The following ARHGEF17 variants were observed in gnomAD, a reference collection of about 807,000 sequenced individuals.
The protein encoded by ARHGEF17 is 164 kDa Rho-specific guanine-nucleotide exchange factor.
ARHGEF17 carries 80 observed loss-of-function variants against 174.0 expected under a neutral mutation model. The observed-to-expected ratio is 0.46, with a 90% CI of 0.38 to 0.55. ARHGEF17 has a LOEUF of 0.55. Among genes scored for constraint, ARHGEF17 ranks in the 20% least tolerant of loss-of-function variants. ARHGEF17 has a pLI of 0.00. For missense variants in ARHGEF17, 2,886 were observed against 2,839.7 expected (o/e 1.02, Z -0.37); for synonymous variants, 1,311 against 1,189.1 (o/e 1.10, Z -2.11).
chr11:73,367,346 A>G (rs961860126), intron 20 of ARHGEF17, among the ~76,000 whole-genome samples: 4 of 152,380 alleles, frequency 2.6e-5, no homozygotes, highest in African/African-American at 9.6e-5. Flanking sequence ...AAGTGGCGTC[A>G]CCTTGGGAAA....
chr11:73,344,854 G>A (rs1354702883), intron 1 of ARHGEF17, among the ~76,000 whole-genome samples: 3 of 152,206 alleles, frequency 2.0e-5, no homozygotes, highest in Non-Finnish European at 2.9e-5. Context: ...CAGGGGCTGG[G>A]GCCCTGAGAG....
intron 5 of ARHGEF17, 71 bp downstream of exon 5, chr11:73,356,024 C>A (rs1162599013): frequency 2.5e-6 from 4 of 1,596,776 alleles, no homozygotes; most frequent in South Asian, 2.2e-5. Context: ...GGTCTAAGGC[C>A]CCTGCCTCGT....
At chr11:73,357,817 T>G (rs1340591701) in intron 9 of ARHGEF17, among the ~76,000 whole-genome samples, 2 of 152,174 alleles carry the variant, frequency 1.3e-5, no homozygotes, top group African/African-American at 2.4e-5. Flanking sequence ...GCGTCTGTCT[T>G]TCTTCCCTTC....
chr11:73,355,843 C>T lies in ARHGEF17; in HGVS notation c.3571-18C>T. ...CTGGCATGTCATTCCTCACATGATG[C>T]CCATCCATGGGTTTCAGCAAAGCAT... On this transcript the variant is annotated intron_variant, in intron 4 of 20. Coordinates refer to ENST00000263674, the MANE Select transcript of ARHGEF17 (RefSeq NM_014786.4). 6.2e-7 allele frequency: 1 copy of T among 1,613,740 alleles called. No homozygotes were observed. Among genetic ancestry groups the T allele is most frequent in the South Asian group, 1.1e-5 (1 of 91,076 alleles).
chr11:73,367,734 T>A lies in ARHGEF17; in HGVS notation c.6146T>A (p.Val2049Glu). 6.2e-7 allele frequency: 1 copy of A among 1,614,024 alleles called. No individual in the cohort carries two copies. The highest frequency in any genetic ancestry group is 8.5e-7 in the Non-Finnish European group (1 of 1,179,984). Residue 2049 changes from valine to glutamate, a missense_variant, in exon 21 of 21, where the codon GTG becomes GAG. Val to Glu is a moderately radical substitution (Grantham distance 121, BLOSUM62 -2). Around this residue, in one of 4 missense-constraint regions of ARHGEF17, gnomAD observed 329 missense variants for 435.2 expected, o/e 0.76. Transcript: ENST00000263674. The part of the protein sequence containing the change: ...SSGGGSSSET[V>E]GRDDSTNHLL... ...GGGGGCGGCAGCAGCAGTGAGACTG[T>A]GGGTCGAGACGACAGCACAAACCAC...
intron 12 of ARHGEF17, 87 bp downstream of exon 12, chr11:73,361,248 C>A: frequency 8.1e-7 from 1 of 1,233,190 alleles, no homozygotes; most frequent in Non-Finnish European, 1.2e-6. Flanking sequence ...GTGTATATGC[C>A]GTGAACATTG....
At chr11:73,356,498 C>G (rs902572774) in intron 6 of ARHGEF17, 147 bp downstream of exon 6, 7 of 1,186,722 alleles carry the variant, frequency 5.9e-6, no homozygotes, top group Admixed American at 2.1e-5. Flanking sequence ...CTGCCAGCCT[C>G]TGTGGCCACA....
chr11:73,317,272 C>T (rs868497687), intron 1 of ARHGEF17, among the ~76,000 whole-genome samples: 2 of 152,192 alleles, frequency 1.3e-5, no homozygotes, highest in African/African-American at 2.4e-5. Context: ...GTGCATGTCT[C>T]CTGGGACAGG....
At chr11:73,318,748 G>A (rs1390478777) in intron 1 of ARHGEF17, among the ~76,000 whole-genome samples, 1 of 152,232 alleles carries the variant, frequency 6.6e-6, no homozygotes, top group African/African-American at 2.4e-5. Flanking sequence ...CCCGAGGTGG[G>A]AAGACCTGTG....
chr11:73,329,462 C>A lies in ARHGEF17; in HGVS notation c.3193-17421C>A, dbSNP rs1219775692. Among the ~76,000 whole-genome samples the A allele has an allele frequency of 3.5e-5, 5 of 142,122 alleles. No individual in the cohort carries two copies. In the East Asian group the frequency reaches 1.0e-3, roughly 30 times the overall value. The allele number at this position is 142,122 out of a possible 152,430, so 93.2% of individuals were successfully genotyped here. A position where few individuals can be genotyped will look rare whatever the true frequency, so the allele number is the denominator to read the frequency against. On this transcript the variant is annotated intron_variant, in intron 1 of 20. Coordinates refer to ENST00000263674, the MANE Select transcript of ARHGEF17 (RefSeq NM_014786.4). The stretch of plus-strand genomic sequence containing the variant: ...TCACCCACGCTGGAGTGCAGTGGTG[C>A]GATCTCAGCTCACTGCAACCTCTGC...
chr11:73,364,294 C>G, intron 17 of ARHGEF17, 55 bp downstream of exon 17: 2 of 1,605,482 alleles, frequency 1.2e-6, no homozygotes, highest in South Asian at 1.1e-5. Context: ...GGTGTTGGGG[C>G]TCTCTCCTGG....
chr11:73,336,956 C>G (rs1297344148), intron 1 of ARHGEF17, among the ~76,000 whole-genome samples: 1 of 152,238 alleles, frequency 6.6e-6, no homozygotes, highest in African/African-American at 2.4e-5. Flanking sequence ...CAAGAATGAG[C>G]AAGCCAAGAG....
At position 73,324,109 on chromosome 11, in the gene ARHGEF17, C is replaced by G. The variant is rs761828885; in HGVS notation, c.3192+12279C>G. On this transcript the variant is annotated intron_variant, in intron 1 of 20. Transcript: ENST00000263674. ...GGAAAACGGCCGTGTAGGGCAGAGTCCCCCTCAGCTTCCCAGCCCAGGTGT... is the reference window on the plus strand; with the variant it reads ...GGAAAACGGCCGTGTAGGGCAGAGTGCCCCTCAGCTTCCCAGCCCAGGTGT... Among the ~76,000 whole-genome samples the G allele has an allele frequency of 2.6e-5, 4 of 152,166 alleles. No homozygotes were observed. The South Asian group carries it at 6.2e-4, about 24-fold the overall frequency.
chr11:73,344,367 G>T (rs563004680), intron 1 of ARHGEF17, among the ~76,000 whole-genome samples: 1 of 152,344 alleles, frequency 6.6e-6, no homozygotes, highest in African/African-American at 2.4e-5. Context: ...GTGACAGGCC[G>T]CTGTGCTCTG....
Position 73,360,495 on chromosome 11 carries a change from G to A in ARHGEF17, c.4382G>A (p.Gly1461Asp). ...TTCCCTCACCCTGACGCCCGCCTTG[G>A]TTTTGAACAGGCCTTCGATGAGGCC... is the stretch of plus-strand genomic sequence containing the variant. ...FEFPHPDARL[G>D]FEQAFDEAKR... The change falls in exon 11 of 21, where the codon GGT becomes GAT. Residue 1461 changes from glycine (G) to aspartate (D), a missense_variant. By Grantham distance (94) the Gly-to-Asp change is moderately conservative. This residue lies in a region of ARHGEF17 where 476 missense variants were observed against 473.1 expected (regional missense o/e 1.01). Transcript: ENST00000263674. 1.2e-6 allele frequency: 2 copies of A among 1,613,986 alleles called. No individual in the cohort carries two copies. The highest frequency in any genetic ancestry group is 1.7e-6 in the Non-Finnish European group (2 of 1,180,046).
chr11:73,309,871 G>A lies in ARHGEF17; in HGVS notation c.1233G>A (p.Gly411=). The A allele has an allele frequency of 1.9e-6, 3 of 1,613,254 alleles. No homozygotes were observed. Among genetic ancestry groups the A allele is most frequent in the Non-Finnish European group, 1.7e-6 (2 of 1,180,002 alleles). Residue 411 remains glycine (G), a synonymous_variant, in exon 1 of 21, where the codon GGG becomes GGA. Transcript: ENST00000263674. ...ACCTATGGTCTAGTAGGGGTTCTGG[G>A]GGCTGGGGCGTGTACCGCTCCCCTA... ...DDDLWSSRGS[G]GWGVYRSPSF...
chr11:73,327,263 C>T (rs887481920), intron 1 of ARHGEF17, among the ~76,000 whole-genome samples: 1 of 146,248 alleles, frequency 6.8e-6, no homozygotes, highest in South Asian at 2.1e-4. Context: ...ACCAGCTACG[C>T]TCCCAGAATG....
intron 2 of ARHGEF17, among the ~76,000 whole-genome samples, chr11:73,350,880 C>T (rs1170359921): frequency 6.6e-6 from 1 of 152,258 alleles, no homozygotes; most frequent in African/African-American, 2.4e-5. Context: ...TCCTGCCTCC[C>T]ACCACTCATG....
chr11:73,367,835 C>T lies in ARHGEF17; in HGVS notation c.*55C>T, dbSNP rs1358971073. The T allele has an allele frequency of 3.2e-6, 5 of 1,546,478 alleles. No homozygotes were observed. The African/African-American group carries it at 5.4e-5, about 17-fold the overall frequency. The stretch of plus-strand genomic sequence containing the variant: ...GCCCACCTGCCTTCAGCCTGCTTGC[C>T]TCTCCCTAGCCCACACGCAGACTTT... On this transcript the variant is annotated 3_prime_UTR_variant, in exon 21 of 21. Transcript: ENST00000263674.
Sources: allele counts gnomAD v4.1 joint callset (sites outside exome capture counted in the v4.1 genomes callset), GRCh38; gene constraint gnomAD v4.1.1; regional missense constraint gnomAD v4.1.1; transcripts MANE v1.5; gene names NCBI Gene and HGNC (gene_info 2026-07-23, HGNC 2026-07-21).